TSPYL6: variants seen among roughly 807,000 people sequenced by gnomAD.
The protein encoded by TSPYL6 is TSPY like 6, also known as testis-specific Y-encoded-like protein 6.
For synonymous variants in TSPYL6, 259 were observed against 214.8 expected (o/e 1.21, Z -1.80); for missense variants, 699 against 531.5 (o/e 1.32, Z -3.10).
rs757215538 is a variant in TSPYL6, at chr2:54,255,312, C to T, written c.840G>A (p.Leu280=). 11 of 1,614,012 alleles carry T rather than the reference C, an allele frequency of 6.8e-6. No individual in the cohort carries two copies. The highest frequency in any genetic ancestry group is 2.2e-5 in the East Asian group (1 of 44,884). ...TAGGGTGTCTGAGCTCCTTCACTTC[C>T]AAATTGGTTAAGTAGCTTAACATCT... ...DAEMLSYLTN[L]EVKELRHPRT... Residue 280 remains leucine (L), a synonymous_variant, in exon 1 of 1, where the codon TTG becomes TTA. Transcript: ENST00000317802.
rs1687422695 is a variant in TSPYL6 at position 54,254,980 on chromosome 2, C to G, written c.1172G>C (p.Arg391Thr). 1 of 1,614,112 alleles carries G rather than the reference C, an allele frequency of 6.2e-7. No homozygotes were observed. Among genetic ancestry groups the G allele is most frequent in the African/African-American group, 1.3e-5 (1 of 75,040 alleles). The change falls in exon 1 of 1, where the codon AGA (arginine) becomes ACA (threonine). Residue 391 changes from arginine to threonine, a missense_variant. Arg to Thr is a moderately conservative substitution (Grantham distance 71). Coordinates refer to ENST00000317802, the MANE Select transcript of TSPYL6 (RefSeq NM_001003937.3). ...YLLGEDAHRA[R>T]RRLVREPVEI... ...CACTGGCTCCCTTACCAGGCGACGT[C>G]TAGCTCTATGGGCGTCTTCACCCAA...
chr2:54,255,831 A>G lies in TSPYL6; in HGVS notation c.321T>C (p.Thr107=), dbSNP rs779112150. 1 of 1,613,928 alleles carries G rather than the reference A, an allele frequency of 6.2e-7. No homozygotes were observed. Among genetic ancestry groups the G allele is most frequent in the East Asian group, 2.2e-5 (1 of 44,844 alleles). Residue 107 remains threonine (T), a synonymous_variant, in exon 1 of 1, where the codon ACT becomes ACC. Transcript: ENST00000317802. ...GLEAASASLT[T]DGSLKNGFPG... The stretch of plus-strand genomic sequence containing the variant: ...GAAAGCCATTTTTGAGGCTGCCGTC[A>G]GTTGTCAGCGAGGCAGAGGCCGCTT...
the TSPYL6 span, chr2:54,255,416 G>GA: frequency 2.5e-6 from 4 of 1,613,974 alleles, no homozygotes; most frequent in South Asian, 4.4e-5. Context: ...GGGATATTGC[G>GA]AATGATGTCA....
rs1271974188 is a variant in TSPYL6, at chr2:54,256,044, C to T, written c.108G>A (p.Met36Ile). Residue 36 changes from methionine (M) to isoleucine (I), a missense_variant, in exon 1 of 1, where the codon ATG becomes ATA. Physicochemically the swap from Met to Ile is conservative, Grantham distance 10. Transcript: ENST00000317802. ...SREKSKATEV[M>I]ADMFDGRLEP... ...CCAAGCGGCCATCAAACATATCTGC[C>T]ATTACCTCTGTCGCCTTGCTCTTTT... is the stretch of plus-strand genomic sequence containing the variant. The T allele has an allele frequency of 9.3e-6, 15 of 1,614,066 alleles. No individual in the cohort carries two copies. Among genetic ancestry groups the T allele is most frequent in the African/African-American group, 2.7e-5 (2 of 74,918 alleles).
Position 54,253,865 on chromosome 2 carries a change from A to G in TSPYL6, c.*1054T>C, listed in dbSNP as rs1485641232. 1 of 152,276 alleles carries G rather than the reference A, an allele frequency of 6.6e-6. No homozygotes were observed. Among genetic ancestry groups the G allele is most frequent in the African/African-American group, 2.4e-5 (1 of 41,468 alleles). The allele number at this position is 152,276 out of a possible 1,614,324, so 9.4% of individuals were successfully genotyped here. A position where few individuals can be genotyped will look rare whatever the true frequency, so the allele number is the denominator to read the frequency against. On this transcript the variant is annotated 3_prime_UTR_variant, in exon 1 of 1. Coordinates refer to ENST00000317802, the MANE Select transcript of TSPYL6 (RefSeq NM_001003937.3). ...GGTCTGGCAGTCTATTTTACAGAAC[A>G]GCCTGCCTCTGGACATGACAAAGAG...
At position 54,256,186 on chromosome 2, in the gene TSPYL6, C is replaced by G. The variant is rs754547518; in HGVS notation, c.-35G>C. The G allele has an allele frequency of 6.3e-7, 1 of 1,579,584 alleles. No individual in the cohort carries two copies. Among genetic ancestry groups the G allele is most frequent in the Non-Finnish European group, 8.6e-7 (1 of 1,161,662 alleles). On this transcript the variant is annotated 5_prime_UTR_variant, in exon 1 of 1. Coordinates refer to ENST00000317802, the MANE Select transcript of TSPYL6 (RefSeq NM_001003937.3). ...GGCCAGGGCAGCAGTGGGTAGAGGC[C>G]AGGCCAGAGGTAGGTAGCGTCAACG...
In TSPYL6 at chr2:54,254,778, G is replaced by A. The variant is rs1687411762; in HGVS notation, c.*141C>T. The A allele has an allele frequency of 2.6e-6, 2 of 781,648 alleles. No homozygotes were observed. Among genetic ancestry groups the A allele is most frequent in the Non-Finnish European group, 4.0e-6 (2 of 499,158 alleles). 48.4% of individuals were successfully genotyped at this position (781,648 alleles called of 1,614,324 possible). ...CCACCAAGGTCTCAATCTTCAGGTT[G>A]AGAGAACGGAAAGTTTAAACAGAGG... On this transcript the variant is annotated 3_prime_UTR_variant, in exon 1 of 1. Transcript: ENST00000317802.
At position 54,253,292 on chromosome 2, in the gene TSPYL6, C is replaced by G. The variant is rs1336172823; in HGVS notation, c.*1627G>C. 6.6e-6 allele frequency: 1 copy of G among 152,102 alleles called. No homozygotes were observed. Among genetic ancestry groups the G allele is most frequent in the Non-Finnish European group, 1.5e-5 (1 of 67,996 alleles). 9.4% of individuals were successfully genotyped at this position (152,102 alleles called of 1,614,324 possible). ...GTTAAAGATACGGTTTTAACAGAAA[C>G]AAGAACAGGCTGAAAACTGCCATGA... is the stretch of plus-strand genomic sequence containing the variant. On this transcript the variant is annotated 3_prime_UTR_variant, in exon 1 of 1. Transcript: ENST00000317802.
rs1687325964 is a variant in TSPYL6 at position 54,253,347 on chromosome 2, G to T, written c.*1572C>A. The T allele has an allele frequency of 1.3e-5, 2 of 152,100 alleles. No homozygotes were observed. Among genetic ancestry groups the T allele is most frequent in the South Asian group, 4.1e-4 (2 of 4,824 alleles). 9.4% of individuals were successfully genotyped at this position (152,100 alleles called of 1,614,324 possible). A position where few individuals can be genotyped will look rare whatever the true frequency, so the allele number is the denominator to read the frequency against. On this transcript the variant is annotated 3_prime_UTR_variant, in exon 1 of 1. Transcript: ENST00000317802. ...CCATATCCACATAATGTACAAAAAA[G>T]AAAGACTGATATTATTCCAAATATT...
rs936264984 is a variant in TSPYL6 at position 54,253,437 on chromosome 2, T to C, written c.*1482A>G. 6.6e-6 allele frequency: 1 copy of C among 152,178 alleles called. No homozygotes were observed. The highest frequency in any genetic ancestry group is 2.4e-5 in the African/African-American group (1 of 41,434). The allele number at this position is 152,178 out of a possible 1,614,324, so 9.4% of individuals were successfully genotyped here. On this transcript the variant is annotated 3_prime_UTR_variant, in exon 1 of 1. Transcript: ENST00000317802. ...TCCCAGTAAACAGAAAGAGAAAATATTATAACACAGTATTAATCTTCCACA... is the reference window on the plus strand; with the variant it reads ...TCCCAGTAAACAGAAAGAGAAAATACTATAACACAGTATTAATCTTCCACA...
chr2:54,255,012 G>C, the TSPYL6 span: 3 of 1,614,116 alleles, frequency 1.9e-6, no homozygotes, highest in Non-Finnish European at 2.5e-6. Flanking sequence ...CCAACAGGTA[G>C]TACTGCAGTG....
chr2:54,255,333 C>T lies in TSPYL6; in HGVS notation c.819G>A (p.Met273Ile). The change falls in exon 1 of 1, where the codon ATG becomes ATA. Residue 273 changes from methionine (M) to isoleucine (I), a missense_variant. Met to Ile is a conservative substitution (Grantham distance 10). Transcript: ENST00000317802. ...CTTCCAAATTGGTTAAGTAGCTTAA[C>T]ATCTCGGCATCTTGGCCTCTAATCA... is the stretch of plus-strand genomic sequence containing the variant. ...SAMIRGQDAEMLSYLTNLEVK... is the reference protein window; with the variant it reads ...SAMIRGQDAEILSYLTNLEVK... 6.2e-7 allele frequency: 1 copy of T among 1,614,186 alleles called. No homozygotes were observed. The highest frequency in any genetic ancestry group is 8.5e-7 in the Non-Finnish European group (1 of 1,180,038).
At position 54,255,240 on chromosome 2, in the gene TSPYL6, G is replaced by T. The variant is rs372726545; in HGVS notation, c.912C>A (p.Phe304Leu). ...ACACCTTTACAATCAGCTTGTTTCT[G>T]AAGTAAGGGTTTCTTTGAAAGAAGA... is the stretch of plus-strand genomic sequence containing the variant. Reference protein sequence around the residue: ...FKFFFQRNPYFRNKLIVKVYE... With the variant: ...FKFFFQRNPYLRNKLIVKVYE... Residue 304 changes from phenylalanine (F) to leucine (L), a missense_variant, in exon 1 of 1, where the codon TTC (phenylalanine) becomes TTA (leucine). By Grantham distance (22) the Phe-to-Leu change is conservative. Transcript: ENST00000317802. The T allele has an allele frequency of 1.9e-6, 3 of 1,614,064 alleles. No individual in the cohort carries two copies. In the East Asian group the frequency reaches 6.7e-5, roughly 36 times the overall value.
At position 54,256,036 on chromosome 2, in the gene TSPYL6, A is replaced by G. The variant is rs745764826; in HGVS notation, c.116T>C (p.Met39Thr). The change falls in exon 1 of 1, where the codon ATG (methionine) becomes ACG (threonine). Residue 39 changes from methionine to threonine, a missense_variant. Physicochemically the swap from Met to Thr is moderately conservative, Grantham distance 81. Transcript: ENST00000317802. Reference sequence around the variant, plus strand: ...GATTGGCTCCAAGCGGCCATCAAACATATCTGCCATTACCTCTGTCGCCTT... The same window carrying G: ...GATTGGCTCCAAGCGGCCATCAAACGTATCTGCCATTACCTCTGTCGCCTT... ...KSKATEVMADMFDGRLEPIVF... is the reference protein window; with the variant it reads ...KSKATEVMADTFDGRLEPIVF... 6 of 1,614,008 alleles carry G rather than the reference A, an allele frequency of 3.7e-6. No individual in the cohort carries two copies. Among genetic ancestry groups the G allele is most frequent in the East Asian group, 4.5e-5 (2 of 44,870 alleles).
rs61732717 is a variant in TSPYL6 at position 54,256,000 on chromosome 2, G to A, written c.152C>T (p.Pro51Leu). The A allele has an allele frequency of 2.0e-3, 3,265 of 1,614,108 alleles. 60 individuals carry two copies. The African/African-American group carries it at 0.038, about 19-fold the overall frequency. ...GACCCCCTCCTCTGGAAGCCGGGGC[G>A]GTGGGAACACGATTGGCTCCAAGCG... ...DGRLEPIVFP[P>L]PRLPEEGVAP... The change falls in exon 1 of 1, where the codon CCG becomes CTG. Residue 51 changes from proline (P) to leucine (L), a missense_variant. Transcript: ENST00000317802.
Position 54,255,248 on chromosome 2 carries a change from G to C in TSPYL6, c.904C>G (p.Pro302Ala). The change falls in exon 1 of 1, where the codon CCT (proline) becomes GCT (alanine). Residue 302 changes from proline (P) to alanine (A), a missense_variant. Physicochemically the swap from Pro to Ala is conservative, Grantham distance 27. Coordinates refer to ENST00000317802, the MANE Select transcript of TSPYL6 (RefSeq NM_001003937.3). The part of the protein sequence containing the change: ...CKFKFFFQRN[P>A]YFRNKLIVKV... ...ACAATCAGCTTGTTTCTGAAGTAAG[G>C]GTTTCTTTGAAAGAAGAACTTAAAC... 1 of 1,614,170 alleles carries C rather than the reference G, an allele frequency of 6.2e-7. No homozygotes were observed. The highest frequency in any genetic ancestry group is 1.1e-5 in the South Asian group (1 of 91,078).
In TSPYL6 at chr2:54,255,709, T is replaced by G. The variant is rs1352266987; in HGVS notation, c.443A>C (p.Glu148Ala). Residue 148 changes from glutamate to alanine, a missense_variant, in exon 1 of 1, where the codon GAG becomes GCG. Transcript: ENST00000317802. The part of the protein sequence containing the change: ...ESEVIAEGKA[E>A]DVKPEECAMF... ...GGCACACTCCTCAGGCTTCACGTCC[T>G]CGGCCTTCCCCTCTGCAATCACTTC... The G allele has an allele frequency of 6.2e-7, 1 of 1,614,014 alleles. No homozygotes were observed. Among genetic ancestry groups the G allele is most frequent in the Non-Finnish European group, 8.5e-7 (1 of 1,180,026 alleles).
rs72908763 is a variant in TSPYL6 at position 54,256,204 on chromosome 2, C to T, written c.-53G>A. ...TAGAGGCCAGGCCAGAGGTAGGTAGCGTCAACGTTCCTCACACAAAATGGC... is the reference window on the plus strand; with the variant it reads ...TAGAGGCCAGGCCAGAGGTAGGTAGTGTCAACGTTCCTCACACAAAATGGC... On this transcript the variant is annotated 5_prime_UTR_variant, in exon 1 of 1. Coordinates refer to ENST00000317802, the MANE Select transcript of TSPYL6 (RefSeq NM_001003937.3). The T allele has an allele frequency of 4.7e-5, 72 of 1,537,516 alleles. No homozygotes were observed. The African/African-American group carries it at 8.6e-4, about 18-fold the overall frequency.
At position 54,255,534 on chromosome 2, in the gene TSPYL6, C is replaced by A. The variant is rs1481881116; in HGVS notation, c.618G>T (p.Glu206Asp). Residue 206 changes from glutamate to aspartate, a missense_variant, in exon 1 of 1, where the codon GAG becomes GAT. Physicochemically the swap from Glu to Asp is conservative, Grantham distance 45. Coordinates refer to ENST00000317802, the MANE Select transcript of TSPYL6 (RefSeq NM_001003937.3). ...CGGAGTCCAGTTCCAGCTGGATGGA[C>A]TCCAGGGGGTTCAGGTGGAGACCCA... ...LNVGLHLNPLESIQLELDSVN... is the reference protein window; with the variant it reads ...LNVGLHLNPLDSIQLELDSVN... 6.2e-7 allele frequency: 1 copy of A among 1,613,638 alleles called. No homozygotes were observed. The highest frequency in any genetic ancestry group is 8.5e-7 in the Non-Finnish European group (1 of 1,179,950).
Sources: allele counts gnomAD v4.1 joint callset, GRCh38; gene constraint gnomAD v4.1.1; transcripts MANE v1.5; gene names NCBI Gene and HGNC (gene_info 2026-07-23, HGNC 2026-07-21).